TRPC5: variants seen among roughly 807,000 people sequenced by gnomAD.
TRPC5 encodes short transient receptor potential channel 5.
Under a neutral mutation model 56.5 loss-of-function variants are expected in TRPC5, and 9 were observed. That is an observed-to-expected ratio of 0.16 (90% CI 0.10 to 0.28). TRPC5 has a LOEUF of 0.28. Ranked by LOEUF, TRPC5 falls within the 10% of genes least tolerant of loss-of-function variation. The probability of loss-of-function intolerance (pLI) is 1.00; values close to 1 mark genes in which losing one functional copy is unlikely to be tolerated. For synonymous variants in TRPC5, 282 were observed against 278.5 expected, an observed-to-expected ratio of 1.01 and a Z score of -0.13; for missense variants, 469 against 748.9, an observed-to-expected ratio of 0.63 and a Z score of 4.36.
At chrX:111,824,727 G>A (rs1377070002) in intron 7 of TRPC5, among the ~76,000 whole-genome samples, 1 of 111,500 alleles carries the variant, frequency 9.0e-6, no homozygotes, top group African/African-American at 3.3e-5. Flanking sequence ...TCTGCACTTT[G>A]TCATGCAGTT....
In TRPC5 at chrX:111,817,608, G is replaced by T. The variant is rs868374940; in HGVS notation, c.1896+17313C>A. On this transcript the variant is annotated intron_variant, in intron 7 of 10. Transcript: ENST00000262839. ...CAAAGTGCTGGTATTACAAGCATGAGCCACCGTGCCCGGCCTCTTTTCTGA... is the reference window on the plus strand; with the variant it reads ...CAAAGTGCTGGTATTACAAGCATGATCCACCGTGCCCGGCCTCTTTTCTGA... Among the ~76,000 whole-genome samples the T allele has an allele frequency of 6.3e-5, 7 of 110,983 alleles. No homozygotes were observed. The East Asian group carries it at 1.7e-3, about 27-fold the overall frequency.
Position 111,783,134 on chromosome X carries a change from T to C in TRPC5, c.1897-996A>G, listed in dbSNP as rs531657517. ...TCATCTGTGTTTTCGTATGTATCAA[T>C]AGCCCATTCAATCACATTGCTGAGT... On this transcript the variant is annotated intron_variant, in intron 7 of 10. Coordinates refer to ENST00000262839, the MANE Select transcript of TRPC5 (RefSeq NM_012471.3). Among the ~76,000 whole-genome samples, 22 of 112,417 alleles carry C rather than the reference T, an allele frequency of 2.0e-4. No homozygotes were observed. The South Asian group carries it at 7.7e-3, about 40-fold the overall frequency.
At chrX:111,970,370 G>A (rs1299918863) in intron 1 of TRPC5, among the ~76,000 whole-genome samples, 1 of 111,600 alleles carries the variant, frequency 9.0e-6, no homozygotes, top group African/African-American at 3.3e-5. Context: ...ATGCTTAAAT[G>A]CACTCAAGAA....
chrX:111,864,510 G>A (rs1450402781), intron 3 of TRPC5, among the ~76,000 whole-genome samples: 2 of 111,867 alleles, frequency 1.8e-5, no homozygotes, highest in African/African-American at 6.5e-5. Flanking sequence ...TTGACTGACA[G>A]ATAATGACAG....
chrX:111,778,688 C>A (rs1323002452), intron 10 of TRPC5, among the ~76,000 whole-genome samples: 1 of 111,768 alleles, frequency 8.9e-6, no homozygotes, highest in Admixed American at 9.5e-5. Context: ...CCCTCACCAC[C>A]ATGCATCCTT....
At chrX:112,058,526 A>G in intron 1 of TRPC5, among the ~76,000 whole-genome samples, 1 of 111,936 alleles carries the variant, frequency 8.9e-6, no homozygotes, top group Middle Eastern at 4.7e-3. Context: ...AGTCTTGTGG[A>G]CTAAAAGTAT....
chrX:111,805,818 G>A (rs111709471), intron 7 of TRPC5, among the ~76,000 whole-genome samples: 2,630 of 110,330 alleles, frequency 0.024, 74 homozygotes, highest in African/African-American at 0.082. Context: ...GACTACAGGC[G>A]CATACCACCA....
intron 3 of TRPC5, among the ~76,000 whole-genome samples, chrX:111,864,874 CTT>C (rs202124782): frequency 0.043 from 4,833 of 111,806 alleles, 224 homozygotes; most frequent in African/African-American, 0.14. Context: ...TCCCTTGTAA[CTT>C]TTTAACTTTT....
chrX:112,073,740 C>T (rs992295349), intron 1 of TRPC5, among the ~76,000 whole-genome samples: 1 of 111,756 alleles, frequency 8.9e-6, no homozygotes, highest in Non-Finnish European at 1.9e-5. Flanking sequence ...ACACTGACTC[C>T]GCGCTTAATC....
At chrX:112,022,932 T>C (rs755740131) in intron 1 of TRPC5, among the ~76,000 whole-genome samples, 1 of 111,692 alleles carries the variant, frequency 9.0e-6, no homozygotes, top group East Asian at 2.8e-4. Context: ...AGGAAGATTT[T>C]TTTTTTTATT....
chrX:112,055,991 T>G, intron 1 of TRPC5, among the ~76,000 whole-genome samples: 1 of 111,105 alleles, frequency 9.0e-6, no homozygotes, highest in Middle Eastern at 4.7e-3. Context: ...GGATTCAAAG[T>G]ATATTGGAGC....
At chrX:111,997,246 C>T (rs962555940) in intron 1 of TRPC5, among the ~76,000 whole-genome samples, 1 of 111,438 alleles carries the variant, frequency 9.0e-6, no homozygotes, top group Non-Finnish European at 1.9e-5. Context: ...TTTATTTCTC[C>T]TTCACTTATG....
In TRPC5 at chrX:112,070,021, G is replaced by A. The variant is rs143909956; in HGVS notation, c.-22+11858C>T. The stretch of plus-strand genomic sequence containing the variant: ...CCAATGTACCGTCTGTCTCTGTTAC[G>A]TTGCAATGAGATTTCAGGGAAAGAA... On this transcript the variant is annotated intron_variant, in intron 1 of 10. Transcript: ENST00000262839. Among the ~76,000 whole-genome samples the A allele has an allele frequency of 4.7e-3, 520 of 111,571 alleles. 4 individuals are homozygous for A. Among genetic ancestry groups the A allele is most frequent in the African/African-American group, 0.016 (477 of 30,660 alleles).
rs182297165 is a variant in TRPC5, at chrX:111,801,518, G to A, written c.1897-19380C>T. On this transcript the variant is annotated intron_variant, in intron 7 of 10. Transcript: ENST00000262839. ...TTTTACTTTCCCATCAGCAATATAC[G>A]AGGGTTCCAATTTCTCCACATCCTT... 3.6e-5 allele frequency among the ~76,000 whole-genome samples: 4 copies of A among 111,900 alleles called. No individual in the cohort carries two copies. In the East Asian group the frequency reaches 1.1e-3, roughly 31 times the overall value.
At chrX:112,023,723 C>T (rs745637016) in intron 1 of TRPC5, among the ~76,000 whole-genome samples, 7 of 111,525 alleles carry the variant, frequency 6.3e-5, no homozygotes, top group Non-Finnish European at 1.3e-4. Flanking sequence ...GGACTATTTT[C>T]CTGACATGTT....
At chrX:112,034,667 AAT>A (rs757698669) in intron 1 of TRPC5, among the ~76,000 whole-genome samples, 18 of 110,061 alleles carry the variant, frequency 1.6e-4, no homozygotes, top group African/African-American at 5.6e-4. Flanking sequence ...ATAATGTTTT[AAT>A]ATATGATATT....
intron 1 of TRPC5, among the ~76,000 whole-genome samples, chrX:112,054,758 C>T (rs1165745798): frequency 9.0e-6 from 1 of 111,462 alleles, no homozygotes; most frequent in Non-Finnish European, 1.9e-5. Flanking sequence ...CATACTGTCA[C>T]CTCCTCTTGA....
intron 7 of TRPC5, among the ~76,000 whole-genome samples, chrX:111,818,795 G>T (rs1468955238): frequency 2.8e-5 from 3 of 108,996 alleles, no homozygotes; most frequent in Non-Finnish European, 5.7e-5. Flanking sequence ...GTAGAGGCGG[G>T]GTTTCTCCAT....
At chrX:111,997,763 T>C (rs866231262) in intron 1 of TRPC5, among the ~76,000 whole-genome samples, 7 of 110,360 alleles carry the variant, frequency 6.3e-5, no homozygotes, top group Middle Eastern at 4.7e-3. Context: ...CTGATACCCC[T>C]TCTTCCACTT....
Sources: allele counts gnomAD v4.1 joint callset (sites outside exome capture counted in the v4.1 genomes callset), GRCh38; gene constraint gnomAD v4.1.1; transcripts MANE v1.5; gene names NCBI Gene and HGNC (gene_info 2026-07-23, HGNC 2026-07-21).